The following NECTIN4 variants were observed in gnomAD, a reference collection of about 807,000 sequenced individuals.
NECTIN4 encodes nectin cell adhesion molecule 4, also known as nectin-4.
NECTIN4 carries 19 observed loss-of-function variants against 51.7 expected under a neutral mutation model. The observed-to-expected ratio is 0.37, with a 90% CI of 0.26 to 0.54. NECTIN4 has a LOEUF of 0.54. Among genes scored for constraint, NECTIN4 ranks in the 20% least tolerant of loss-of-function variants. The pLI is 0.86. For missense variants in NECTIN4, 619 were observed against 662.4 expected (o/e 0.93, Z 0.72); for synonymous variants, 283 against 286.9 (o/e 0.99, Z 0.14).
chr1:161,086,591 G>C (rs183245726), intron 1 of NECTIN4, among the ~76,000 whole-genome samples: 60 of 152,332 alleles, frequency 3.9e-4, no homozygotes, highest in Admixed American at 3.9e-3. Context: ...GATCCTAATG[G>C]GGGGAGGGGT....
Position 161,072,599 on chromosome 1 carries a change from T to G in NECTIN4, c.*62A>C. The G allele has an allele frequency of 1.5e-5, 21 of 1,415,930 alleles. No homozygotes were observed. Among genetic ancestry groups the G allele is most frequent in the Non-Finnish European group, 1.8e-5 (18 of 998,872 alleles). The allele number at this position is 1,415,930 out of a possible 1,614,324, so 87.7% of individuals were successfully genotyped here. On this transcript the variant is annotated 3_prime_UTR_variant, in exon 9 of 9. Transcript: ENST00000368012. ...GGGGTGTTTAAGGAGGCCCCCAAGATGAGCTAAAATCTCCCATGTCAACAG... is the reference window on the plus strand; with the variant it reads ...GGGGTGTTTAAGGAGGCCCCCAAGAGGAGCTAAAATCTCCCATGTCAACAG...
At chr1:161,078,718 A>G (rs527758554) in intron 2 of NECTIN4, among the ~76,000 whole-genome samples, 2 of 152,252 alleles carry the variant, frequency 1.3e-5, no homozygotes, top group South Asian at 4.1e-4. Flanking sequence ...TGATGGTTTA[A>G]AAAGTGATTG....
chr1:161,081,061 A>G (rs1467742), intron 1 of NECTIN4, among the ~76,000 whole-genome samples: 137,052 of 152,174 alleles, frequency 0.9, 62,027 homozygotes, highest in African/African-American at 0.96. Context: ...CTAAATCAGG[A>G]ACCACGGTGA....
chr1:161,082,795 C>T (rs908343151), intron 1 of NECTIN4, among the ~76,000 whole-genome samples: 1 of 152,164 alleles, frequency 6.6e-6, no homozygotes, highest in Non-Finnish European at 1.5e-5. Flanking sequence ...CAAGGAAGGG[C>T]TGTGAGTGAG....
chr1:161,074,161 A>G (rs1444350530), intron 6 of NECTIN4, 56 bp downstream of exon 6: 1 of 1,608,356 alleles, frequency 6.2e-7, no homozygotes, highest in Non-Finnish European at 8.5e-7. Context: ...ACCTCCTGCT[A>G]TCCTCTTCTT....
rs1157035009 is a variant in NECTIN4, at chr1:161,074,035, AGTGCTCCATCT to A, written c.1157+171_1157+181del. On this transcript the variant is annotated intron_variant, in intron 6 of 8. Coordinates refer to ENST00000368012, the MANE Select transcript of NECTIN4 (RefSeq NM_030916.3). ...GAGCCTCACTAAGGTGGAAGGATTG[AGTGCTCCATCT>A]GTGCTCCAGACCCTTAGCTCCTCCT... Among the ~76,000 whole-genome samples, 9 of 152,252 alleles carry A rather than the reference AGTGCTCCATCT, an allele frequency of 5.9e-5. No individual in the cohort carries two copies. In the East Asian group the frequency reaches 1.7e-3, roughly 29 times the overall value.
At chr1:161,084,918 G>C (rs80130874) in intron 1 of NECTIN4, 2,070 of 152,036 alleles carry the variant, frequency 0.014, 21 homozygotes, top group Middle Eastern at 0.024. Context: ...GTTAACTCCT[G>C]CCTCCCCTTA....
Position 161,089,332 on chromosome 1 carries a change from C to T in NECTIN4, c.-36G>A. On this transcript the variant is annotated 5_prime_UTR_variant, in exon 1 of 9. Transcript: ENST00000368012. This position sits in a 1 kb window ranked among gnomAD's most constrained non-coding sequence, Gnocchi z 4.1. Reference sequence around the variant, plus strand: ...CAGACTGCCCAGCGTTTCTGAAGTTCCACCGAGATCTCCCTGGGAGCCGGC... The same window carrying T: ...CAGACTGCCCAGCGTTTCTGAAGTTTCACCGAGATCTCCCTGGGAGCCGGC... 4.4e-6 allele frequency: 7 copies of T among 1,575,788 alleles called. No individual in the cohort carries two copies. The highest frequency in any genetic ancestry group is 6.1e-6 in the Non-Finnish European group (7 of 1,156,266).
intron 2 of NECTIN4, among the ~76,000 whole-genome samples, chr1:161,078,472 T>C (rs976154748): frequency 5.3e-5 from 8 of 151,902 alleles, no homozygotes; most frequent in Non-Finnish European, 8.8e-5. Flanking sequence ...CACACCCAGC[T>C]GATTTTTGTA....
intron 6 of NECTIN4, 108 bp downstream of exon 6, chr1:161,074,109 C>T: frequency 4.3e-6 from 6 of 1,403,004 alleles, no homozygotes; most frequent in Non-Finnish European, 6.0e-6. Flanking sequence ...TAGTCTGAAA[C>T]TCCTCAGTTT....
chr1:161,074,583 T>A, intron 5 of NECTIN4, 28 bp downstream of exon 5: 1 of 1,614,056 alleles, frequency 6.2e-7, no homozygotes, highest in East Asian at 2.2e-5. Context: ...CCCAGGTCCT[T>A]ACCAAGGACT....
chr1:161,078,394 G>A (rs1476481168), intron 2 of NECTIN4, among the ~76,000 whole-genome samples: 3 of 151,990 alleles, frequency 2.0e-5, no homozygotes, highest in Non-Finnish European at 2.9e-5. Context: ...TGCAATCTCC[G>A]CCTCCTGGGT....
intron 4 of NECTIN4, 47 bp downstream of exon 4, chr1:161,076,308 G>C: frequency 6.2e-7 from 1 of 1,612,004 alleles, no homozygotes; most frequent in Non-Finnish European, 8.5e-7. Flanking sequence ...CCTGAGAGGG[G>C]AGGAACCTAG....
Position 161,079,622 on chromosome 1 carries a change from C to G in NECTIN4, c.407G>C (p.Ser136Thr). Residue 136 changes from serine to threonine, a missense_variant, in exon 2 of 9, where the codon AGC becomes ACC. Ser to Thr is a moderately conservative substitution (Grantham distance 58, BLOSUM62 1). Coordinates refer to ENST00000368012, the MANE Select transcript of NECTIN4 (RefSeq NM_030916.3). Reference protein sequence around the residue: ...ECRVSTFPAGSFQARLRLRVL... With the variant: ...ECRVSTFPAGTFQARLRLRVL... ...TCGGAGCCGCAGCCGCGCCTGGAAG[C>G]TGCCGGCGGGGAAGGTGCTGACCCG... 1 of 1,605,464 alleles carries G rather than the reference C, an allele frequency of 6.2e-7. No individual in the cohort carries two copies. Among genetic ancestry groups the G allele is most frequent in the Non-Finnish European group, 8.5e-7 (1 of 1,179,708 alleles).
In NECTIN4 at chr1:161,073,217, G is replaced by C; in HGVS notation, c.1308+8C>G. The C allele has an allele frequency of 6.2e-7, 1 of 1,613,408 alleles. No homozygotes were observed. The highest frequency in any genetic ancestry group is 8.5e-7 in the Non-Finnish European group (1 of 1,179,374). On this transcript the variant is annotated splice_region_variant and intron_variant, in intron 8 of 8. Transcript: ENST00000368012. Reference sequence around the variant, plus strand: ...TGGTGGGGACACCGGTGGGGCCGGGGGCCTCACCATCACAGAGCAGCTACT... The same window carrying C: ...TGGTGGGGACACCGGTGGGGCCGGGCGCCTCACCATCACAGAGCAGCTACT...
At position 161,072,489 on chromosome 1, in the gene NECTIN4, T is replaced by G; in HGVS notation, c.*172A>C. The G allele has an allele frequency of 1.5e-6, 1 of 662,108 alleles. No individual in the cohort carries two copies. The highest frequency in any genetic ancestry group is 2.8e-5 in the East Asian group (1 of 36,306). 41.0% of individuals were successfully genotyped at this position (662,108 alleles called of 1,614,324 possible). A position where few individuals can be genotyped will look rare whatever the true frequency, so the allele number is the denominator to read the frequency against. On this transcript the variant is annotated 3_prime_UTR_variant, in exon 9 of 9. Transcript: ENST00000368012. Reference sequence around the variant, plus strand: ...TGCATGCATGGTGGGAGAGACTCAATTGGTGGAGCCCTCCCGATGAACAGA... The same window carrying G: ...TGCATGCATGGTGGGAGAGACTCAAGTGGTGGAGCCCTCCCGATGAACAGA...
chr1:161,083,918 G>T (rs1349455416), intron 1 of NECTIN4, among the ~76,000 whole-genome samples: 1 of 152,198 alleles, frequency 6.6e-6, no homozygotes, highest in Non-Finnish European at 1.5e-5. Context: ...CTCAGGAGGG[G>T]AAACTGAGGC....
Position 161,089,490 on chromosome 1 carries a change from A to C in NECTIN4, c.-194T>G. On this transcript the variant is annotated 5_prime_UTR_variant, in exon 1 of 9. Coordinates refer to ENST00000368012, the MANE Select transcript of NECTIN4 (RefSeq NM_030916.3). The surrounding 1 kb of genome is among the most constrained non-coding windows in gnomAD (Gnocchi z 4.1). ...TACACACCCAGCCGTAGCTACCCCC[A>C]AGAAGCCGTGATCGGGAGCTCCGAG... is the stretch of plus-strand genomic sequence containing the variant. 1 of 612,814 alleles carries C rather than the reference A, an allele frequency of 1.6e-6. No individual in the cohort carries two copies. 38.0% of individuals were successfully genotyped at this position (612,814 alleles called of 1,614,324 possible).
At position 161,089,501 on chromosome 1, in the gene NECTIN4, ATC is replaced by A; in HGVS notation, c.-207_-206del. ...CCGTAGCTACCCCCAAGAAGCCGTG[ATC>A]GGGAGCTCCGAGCTCCCCCAGAGCT... On this transcript the variant is annotated 5_prime_UTR_variant, in exon 1 of 9. Coordinates refer to ENST00000368012, the MANE Select transcript of NECTIN4 (RefSeq NM_030916.3). This position sits in a 1 kb window ranked among gnomAD's most constrained non-coding sequence, Gnocchi z 4.1. 8.3e-6 allele frequency: 5 copies of A among 604,682 alleles called. No homozygotes were observed. Among genetic ancestry groups the A allele is most frequent in the East Asian group, 2.9e-5 (1 of 34,998 alleles). 37.5% of individuals were successfully genotyped at this position (604,682 alleles called of 1,614,324 possible). A position where few individuals can be genotyped will look rare whatever the true frequency, so the allele number is the denominator to read the frequency against.
Sources: gnomAD v4.1 joint callset for allele counts (sites outside exome capture counted in the v4.1 genomes callset) on GRCh38, gnomAD v4.1.1 for gene constraint, Gnocchi (gnomAD v3.1) non-coding constraint, MANE v1.5 for transcripts, NCBI Gene and HGNC (gene_info 2026-07-23, HGNC 2026-07-21) for gene names.